The following TRIM9 variants were observed in gnomAD, a reference collection of about 807,000 sequenced individuals.
The protein encoded by TRIM9 is tripartite motif containing 9.
Under a neutral mutation model 78.3 loss-of-function variants are expected in TRIM9, and 26 were observed. That is an observed-to-expected ratio of 0.33 (90% confidence interval 0.24 to 0.46). The LOEUF is 0.46. Among genes scored for constraint, TRIM9 ranks in the 20% least tolerant of loss-of-function variants. TRIM9 has a pLI of 1.00. For synonymous variants in TRIM9, 398 were observed against 416.5 expected (o/e 0.96, Z 0.54); for missense variants, 787 against 1,036.4 (o/e 0.76, Z 3.30).
chr14:50,991,748 T>G (rs576024625), intron 7 of TRIM9, among the ~76,000 whole-genome samples: 211 of 152,280 alleles, frequency 1.4e-3, no homozygotes, highest in African/African-American at 4.6e-3. Context: ...AGGTACTAAT[T>G]GTAAAGACTC....
chr14:50,989,826 C>CTCTTGCTCTTTCCTCT (rs2053253755), intron 7 of TRIM9, among the ~76,000 whole-genome samples: 1 of 152,084 alleles, frequency 6.6e-6, no homozygotes, highest in Non-Finnish European at 1.5e-5. Context: ...TTGCTCTTTC[C>CTCTTGCTCTTTCCTCT]TGGACTTCTT....
rs369652663 is a variant in TRIM9, at chr14:51,015,505, C to CTTTTTTTTTTTTTTTTT, written c.1042-5028_1042-5012dup. On this transcript the variant is annotated intron_variant, in intron 3 of 12. Transcript: ENST00000684578. ...AATGCTTTTTTCTTTCTTTACTTTTCTTTTTTTTTTTTTTTTTTTTTTTTT... is the reference window on the plus strand; with the variant it reads ...AATGCTTTTTTCTTTCTTTACTTTTCTTTTTTTTTTTTTTTTTTTTTTTTTTTTTTTTTTTTTTTTTT... Among the ~76,000 whole-genome samples the CTTTTTTTTTTTTTTTTT allele has an allele frequency of 9.6e-4, 59 of 61,330 alleles. 6 individuals are homozygous for CTTTTTTTTTTTTTTTTT. The highest frequency in any genetic ancestry group is 1.8e-3 in the African/African-American group (27 of 14,664). 40.2% of individuals were successfully genotyped at this position (61,330 alleles called of 152,430 possible).
At position 51,094,641 on chromosome 14, in the gene TRIM9, CGGACGCCGTTGGG is replaced by C; in HGVS notation, c.286_298del (p.Pro96AlafsTer55). The C allele has an allele frequency of 6.2e-7, 1 of 1,605,644 alleles. No individual in the cohort carries two copies. Among genetic ancestry groups the C allele is most frequent in the Non-Finnish European group, 8.5e-7 (1 of 1,175,098 alleles). On this transcript the variant is annotated frameshift_variant, in exon 1 of 13. Transcript: ENST00000684578. LOFTEE classifies it high-confidence loss of function. ...TGGCGGCATAGCCGGGGGAAACACG[CGGACGCCGTTGGG>C]GGACTTCTGGCACGGGGTAGTGGGG... is the stretch of plus-strand genomic sequence containing the variant.
intron 1 of TRIM9, among the ~76,000 whole-genome samples, chr14:51,057,176 A>G (rs549010810): frequency 6.6e-6 from 1 of 152,352 alleles, no homozygotes; most frequent in African/African-American, 2.4e-5. Context: ...ATTCTTTGGT[A>G]GACATTGCTG....
chr14:51,077,539 C>A (rs190675736), intron 1 of TRIM9, among the ~76,000 whole-genome samples: 68 of 151,826 alleles, frequency 4.5e-4, no homozygotes, highest in Middle Eastern at 3.4e-3. Flanking sequence ...GACTACAGGC[C>A]CACACCACCA....
intron 1 of TRIM9, chr14:51,088,912 T>C (rs575779411): frequency 6.6e-6 from 1 of 152,168 alleles, no homozygotes; most frequent in East Asian, 1.9e-4. Flanking sequence ...TTACATGTGT[T>C]AATTCATATG....
At chr14:51,046,101 C>T (rs1046029462) in intron 1 of TRIM9, among the ~76,000 whole-genome samples, 8 of 141,196 alleles carry the variant, frequency 5.7e-5, no homozygotes, top group Middle Eastern at 3.5e-3. Context: ...GGAATGACCG[C>T]GTTTTAGAAA....
rs539484707 is a variant in TRIM9 at position 51,026,074 on chromosome 14, C to T, written c.823-714G>A. On this transcript the variant is annotated intron_variant, in intron 1 of 12. Transcript: ENST00000684578. ...TACTTGCTCTTCCAGCCTCCTCGTC[C>T]GCTGGGGAGGCCGTGGTACACAATC... Among the ~76,000 whole-genome samples the T allele has an allele frequency of 1.4e-4, 21 of 152,260 alleles. No homozygotes were observed. In the South Asian group the frequency reaches 1.7e-3, roughly 12 times the overall value.
At chr14:51,013,507 C>T (rs957764195) in intron 3 of TRIM9, among the ~76,000 whole-genome samples, 14 of 152,024 alleles carry the variant, frequency 9.2e-5, no homozygotes, top group South Asian at 2.1e-4. Flanking sequence ...TTATTTACAT[C>T]GCCCAATTTT....
At chr14:51,073,748 G>A (rs1307357150) in intron 1 of TRIM9, among the ~76,000 whole-genome samples, 1 of 152,156 alleles carries the variant, frequency 6.6e-6, no homozygotes, top group Non-Finnish European at 1.5e-5. Flanking sequence ...TCAGTTTGTG[G>A]AAATTCATTG....
intron 1 of TRIM9, among the ~76,000 whole-genome samples, chr14:51,071,387 G>GAAAAAAAAAAAAAAAAAAAAAAAAAAA (rs56726763): frequency 8.6e-6 from 1 of 115,878 alleles, no homozygotes; most frequent in Non-Finnish European, 1.8e-5. Context: ...AAAAAAAAAA[G>GAAAAAAAAAAAAAAAAAAAAAAAAAAA]AAAAAAAAAA....
rs142495306 is a variant in TRIM9 at position 51,094,134 on chromosome 14, A to T, written c.806T>A (p.Met269Lys). The change falls in exon 1 of 13, where the codon ATG (methionine) becomes AAG (lysine). Residue 269 changes from methionine to lysine, a missense_variant. Coordinates refer to ENST00000684578, the MANE Select transcript of TRIM9 (RefSeq NM_001387360.1). ...AGGACTCACCTTATGTAGTTTCCAC[A>T]TGGCCCCCAGAGCCTTGACTTCGTG... ...SSHEVKALGA[M>K]WKLHKSQLSQ... 1.9e-6 allele frequency: 3 copies of T among 1,612,978 alleles called. No homozygotes were observed. Among genetic ancestry groups the T allele is most frequent in the Non-Finnish European group, 2.5e-6 (3 of 1,179,230 alleles).
intron 3 of TRIM9, among the ~76,000 whole-genome samples, chr14:51,016,288 C>G (rs891805935): frequency 6.6e-6 from 1 of 152,166 alleles, no homozygotes; most frequent in Non-Finnish European, 1.5e-5. Context: ...CCGGGCTGCA[C>G]AGCAGGAGGT....
At chr14:50,996,792 T>C in intron 7 of TRIM9, 1 of 985,418 alleles carries the variant, frequency 1.0e-6, no homozygotes, top group Non-Finnish European at 1.2e-6. Flanking sequence ...ATCACTGTAC[T>C]CCAAATGGGA....
intron 7 of TRIM9, among the ~76,000 whole-genome samples, chr14:50,993,979 C>G (rs2053871961): frequency 2.0e-5 from 3 of 152,272 alleles, no homozygotes; most frequent in South Asian, 4.1e-4. Context: ...ACATCTGAAT[C>G]CCCAGAACCT....
chr14:50,978,758 G>GTTTCTTTTTGTT (rs1566536218), intron 12 of TRIM9: 1 of 365,614 alleles, frequency 2.7e-6, no homozygotes, highest in East Asian at 1.8e-4. Flanking sequence ...ATTTTTATCT[G>GTTTCTTTTTGTT]TTTTTTTGTT....
At chr14:51,073,677 G>A (rs1415852891) in intron 1 of TRIM9, among the ~76,000 whole-genome samples, 1 of 152,192 alleles carries the variant, frequency 6.6e-6, no homozygotes, top group Non-Finnish European at 1.5e-5. Flanking sequence ...GGGGGCTTCT[G>A]GAGGCTGATG....
chr14:51,070,076 A>C (rs1313036983), intron 1 of TRIM9, among the ~76,000 whole-genome samples: 2 of 152,120 alleles, frequency 1.3e-5, no homozygotes, highest in Admixed American at 6.5e-5. Flanking sequence ...TTTTCATGGT[A>C]TATTCAGTGT....
chr14:51,009,797 C>G (rs2056333530), intron 4 of TRIM9, among the ~76,000 whole-genome samples: 3 of 151,696 alleles, frequency 2.0e-5, no homozygotes, highest in Non-Finnish European at 4.4e-5. Context: ...TAGAGTGTGA[C>G]TTGGAAGAGA....
Sources: allele counts gnomAD v4.1 joint callset (sites outside exome capture counted in the v4.1 genomes callset), GRCh38; gene constraint gnomAD v4.1.1; transcripts MANE v1.5; gene names NCBI Gene and HGNC (gene_info 2026-07-23, HGNC 2026-07-21).